The following ADAMTSL3 variants were observed in gnomAD, a reference collection of about 807,000 sequenced individuals.
ADAMTSL3 encodes the protein ADAMTS-like protein 3.
ADAMTSL3 carries 128 observed loss-of-function variants against 201.7 expected under a neutral mutation model. The ratio of observed to expected loss-of-function variants is 0.63; its 90% CI spans 0.55 to 0.73. ADAMTSL3 has a LOEUF of 0.73. ADAMTSL3 is among the 30% of genes least tolerant of loss of function. The pLI is 0.00. For synonymous variants in ADAMTSL3, 738 were observed against 748.4 expected, an observed-to-expected ratio of 0.99 and a Z score of 0.23; for missense variants, 1,990 against 2,119.6, an observed-to-expected ratio of 0.94 and a Z score of 1.20.
chr15:83,829,868 T>G (rs1455293368), intron 6 of ADAMTSL3, among the ~76,000 whole-genome samples: 4 of 152,356 alleles, frequency 2.6e-5, no homozygotes, highest in African/African-American at 9.6e-5. Flanking sequence ...GAGTTCTAGT[T>G]TGATTGCACT....
chr15:83,995,084 A>G (rs1316823911), intron 23 of ADAMTSL3, among the ~76,000 whole-genome samples: 1 of 152,240 alleles, frequency 6.6e-6, no homozygotes, highest in Middle Eastern at 3.4e-3. Flanking sequence ...CACAGTGGCC[A>G]GGCCTTCATG....
Position 83,942,723 on chromosome 15 carries a change from C to G in ADAMTSL3, c.2245C>G (p.His749Asp). The G allele has an allele frequency of 6.2e-7, 1 of 1,613,996 alleles. No individual in the cohort carries two copies. Among genetic ancestry groups the G allele is most frequent in the South Asian group, 1.1e-5 (1 of 91,074 alleles). Reference sequence around the variant, plus strand: ...TGAGGAGTGCCGAGATGAAAAGCCCCATGCTTTACAAGCATGCAATCAGTT... The same window carrying G: ...TGAGGAGTGCCGAGATGAAAAGCCCGATGCTTTACAAGCATGCAATCAGTT... ...PPEECRDEKP[H>D]ALQACNQFDC... The change falls in exon 18 of 30, where the codon CAT becomes GAT. Residue 749 changes from histidine (H) to aspartate (D), a missense_variant. His to Asp is a moderately conservative substitution (Grantham distance 81, BLOSUM62 -1). Transcript: ENST00000286744.
chr15:83,995,195 C>T (rs1411489335), intron 23 of ADAMTSL3, among the ~76,000 whole-genome samples: 1 of 152,134 alleles, frequency 6.6e-6, no homozygotes, highest in Non-Finnish European at 1.5e-5. Flanking sequence ...CAACCAGAGG[C>T]TACCAGGAGC....
At position 83,913,111 on chromosome 15, in the gene ADAMTSL3, T is replaced by G; in HGVS notation, c.1720T>G (p.Ser574Ala). The stretch of plus-strand genomic sequence containing the variant: ...CCCTAGGTTCATTCCAGAACCCTGG[T>G]CAGCCTGCAGTACCACGTGTGGGCC... ...EEPTFIPEPW[S>A]ACSTTCGPGV... Residue 574 changes from serine to alanine, a missense_variant, in exon 16 of 30, where the codon TCA (serine) becomes GCA (alanine). Coordinates refer to ENST00000286744, the MANE Select transcript of ADAMTSL3 (RefSeq NM_207517.3). 6.2e-7 allele frequency: 1 copy of G among 1,614,052 alleles called. No homozygotes were observed. The highest frequency in any genetic ancestry group is 1.1e-5 in the South Asian group (1 of 91,068).
chr15:83,972,064 C>T (rs56934450), intron 20 of ADAMTSL3, among the ~76,000 whole-genome samples: 6,230 of 151,912 alleles, frequency 0.041, 449 homozygotes, highest in African/African-American at 0.14. Flanking sequence ...GAGTTCTTTG[C>T]ATGCATTATC....
intron 3 of ADAMTSL3, among the ~76,000 whole-genome samples, chr15:83,764,611 G>A (rs1404831232): frequency 1.3e-5 from 2 of 152,016 alleles, no homozygotes; most frequent in Admixed American, 6.6e-5. Flanking sequence ...AGGCAGCCCT[G>A]TATACACAGC....
At chr15:83,795,278 A>G (rs1430943760) in intron 4 of ADAMTSL3, among the ~76,000 whole-genome samples, 2 of 152,084 alleles carry the variant, frequency 1.3e-5, no homozygotes, top group African/African-American at 4.8e-5. Flanking sequence ...AACAACAACA[A>G]CAACAACAAC....
At chr15:83,799,944 C>G (rs188446777) in intron 4 of ADAMTSL3, among the ~76,000 whole-genome samples, 1 of 152,292 alleles carries the variant, frequency 6.6e-6, no homozygotes, top group East Asian at 1.9e-4. Flanking sequence ...ATGTCCTTAA[C>G]TTTAAAATAA....
intron 3 of ADAMTSL3, among the ~76,000 whole-genome samples, chr15:83,771,582 C>G (rs1026128599): frequency 6.6e-6 from 1 of 152,174 alleles, no homozygotes; most frequent in East Asian, 1.9e-4. Flanking sequence ...ACCTAATGTC[C>G]TCAAGATTCA....
intron 12 of ADAMTSL3, among the ~76,000 whole-genome samples, chr15:83,891,665 C>T (rs1436410734): frequency 3.3e-5 from 5 of 152,086 alleles, no homozygotes; most frequent in Admixed American, 3.3e-4. Context: ...AAATTTTAAT[C>T]CCCTTTTATA....
At chr15:84,025,534 G>A in intron 27 of ADAMTSL3, 98 bp downstream of exon 27, 1 of 1,202,780 alleles carries the variant, frequency 8.3e-7, no homozygotes, top group Non-Finnish European at 1.2e-6. Context: ...TTTGGGGCGG[G>A]GGGCAGGAAT....
At chr15:83,883,795 G>GCCTCAAGTGATCCTCCTGC (rs1171963355) in intron 9 of ADAMTSL3, among the ~76,000 whole-genome samples, 1 of 151,620 alleles carries the variant, frequency 6.6e-6, no homozygotes. Flanking sequence ...CAAACTTCTG[G>GCCTCAAGTGATCCTCCTGC]CCTCAAGTGA....
chr15:83,866,651 C>G (rs1567200292), intron 8 of ADAMTSL3, among the ~76,000 whole-genome samples: 1 of 152,012 alleles, frequency 6.6e-6, no homozygotes, highest in South Asian at 2.1e-4. Context: ...GGAGATATAC[C>G]TCATGTTAAA....
intron 15 of ADAMTSL3, among the ~76,000 whole-genome samples, chr15:83,904,906 A>G (rs2065805587): frequency 6.6e-6 from 1 of 152,246 alleles, no homozygotes; most frequent in Non-Finnish European, 1.5e-5. Flanking sequence ...AAATTAGGTG[A>G]CATTTCAGGA....
At chr15:83,773,398 C>G (rs1357518630) in intron 3 of ADAMTSL3, 125 bp from the exon 4 acceptor site, 4 of 1,069,308 alleles carry the variant, frequency 3.7e-6, no homozygotes, top group Non-Finnish European at 5.3e-6. Flanking sequence ...GATCGAAGCT[C>G]TGTCTCAATT....
At chr15:84,003,594 A>G (rs2067838716) in intron 23 of ADAMTSL3, among the ~76,000 whole-genome samples, 1 of 152,172 alleles carries the variant, frequency 6.6e-6, no homozygotes. Flanking sequence ...CCAAACCTGT[A>G]TGAGATTTGA....
intron 3 of ADAMTSL3, 126 bp downstream of exon 3, chr15:83,704,634 A>G (rs781427523): frequency 4.4e-5 from 56 of 1,286,170 alleles, no homozygotes; most frequent in Non-Finnish European, 5.8e-5. Context: ...CAGACCCTTG[A>G]CACCCTTGAA....
At chr15:83,721,891 C>T (rs1452105637) in intron 3 of ADAMTSL3, among the ~76,000 whole-genome samples, 1 of 152,072 alleles carries the variant, frequency 6.6e-6, no homozygotes, top group Non-Finnish European at 1.5e-5. Context: ...CACCACCATG[C>T]CCAGCTAATT....
At chr15:83,680,898 T>A (rs1027437284) in intron 2 of ADAMTSL3, among the ~76,000 whole-genome samples, 3 of 152,178 alleles carry the variant, frequency 2.0e-5, no homozygotes, top group Non-Finnish European at 4.4e-5. Flanking sequence ...TCCTTAAGAG[T>A]TCAAAGCAAA....
Sources: allele counts gnomAD v4.1 joint callset (sites outside exome capture counted in the v4.1 genomes callset), GRCh38; gene constraint gnomAD v4.1.1; transcripts MANE v1.5; gene names NCBI Gene and HGNC (gene_info 2026-07-23, HGNC 2026-07-21).